Variants in STX17 observed in about 807,000 individuals in gnomAD.
STX17 encodes the protein syntaxin 17.
STX17 carries 29 observed loss-of-function variants against 35.9 expected under a neutral mutation model. The ratio of observed to expected loss-of-function variants is 0.81; its 90% CI spans 0.60 to 1.10. The LOEUF is 1.10. Ranked by LOEUF, STX17 falls within the 50% of genes least tolerant of loss-of-function variation. STX17 has a pLI of 0.00. For synonymous variants in STX17, 92 were observed against 118.3 expected (o/e 0.78, Z 1.44); for missense variants, 312 against 352.3 (o/e 0.89, Z 0.92).
intron 3 of STX17, among the ~76,000 whole-genome samples, chr9:99,934,304 AT>A (rs1255683842): frequency 6.6e-6 from 1 of 152,222 alleles, no homozygotes; most frequent in African/African-American, 2.4e-5. Flanking sequence ...ATCTGGAAAC[AT>A]TTTGAATAAT....
intron 6 of STX17, among the ~76,000 whole-genome samples, chr9:99,964,313 TTCG>T (rs1387731481): frequency 6.6e-6 from 1 of 152,146 alleles, no homozygotes; most frequent in Non-Finnish European, 1.5e-5. Context: ...CCTATAGCTG[TTCG>T]TCAAGATTTG....
chr9:99,938,755 C>G (rs1829288663), intron 3 of STX17, among the ~76,000 whole-genome samples: 1 of 149,474 alleles, frequency 6.7e-6, no homozygotes, highest in Non-Finnish European at 1.5e-5. Flanking sequence ...CCACTGCACT[C>G]CAGCCTGGGT....
chr9:99,945,664 C>T, intron 3 of STX17: 1 of 298,108 alleles, frequency 3.4e-6, no homozygotes, highest in South Asian at 2.8e-5. Flanking sequence ...TCCATATTTA[C>T]TTTCTTTTGT....
In STX17 at chr9:99,971,677, T is replaced by C. The variant is rs1336319272; in HGVS notation, c.*3004T>C. ...AAGCCAGGAATGTTAACTAGGTCTG[T>C]TGAGCTACAAAAACTTTTATGTCTC... On this transcript the variant is annotated 3_prime_UTR_variant, in exon 8 of 8. Transcript: ENST00000259400. 6.6e-6 allele frequency among the ~76,000 whole-genome samples: 1 copy of C among 152,224 alleles called. No individual in the cohort carries two copies. The highest frequency in any genetic ancestry group is 6.5e-5 in the Admixed American group (1 of 15,284).
At chr9:99,935,396 G>C (rs958163209) in intron 3 of STX17, among the ~76,000 whole-genome samples, 1 of 151,054 alleles carries the variant, frequency 6.6e-6, no homozygotes, top group Admixed American at 6.6e-5. Flanking sequence ...ACACTGCAAA[G>C]CTTGTTAAGT....
rs1217210405 is a variant in STX17 at position 99,960,022 on chromosome 9, C to A, written c.521C>A (p.Thr174Asn). 1 of 1,614,028 alleles carries A rather than the reference C, an allele frequency of 6.2e-7. No individual in the cohort carries two copies. The change falls in exon 5 of 8, where the codon ACC becomes AAC. Residue 174 changes from threonine to asparagine, a missense_variant. Coordinates refer to ENST00000259400, the MANE Select transcript of STX17 (RefSeq NM_017919.3). ...CAAAATGCTGCAGAATCGTGGGAAA[C>A]CTTAGAAGCGGTATGTTAAAAAATG... ...QDQNAAESWE[T>N]LEADLIELSQ...
At chr9:99,949,207 G>C (rs1184653423) in intron 3 of STX17, among the ~76,000 whole-genome samples, 1 of 151,928 alleles carries the variant, frequency 6.6e-6, no homozygotes, top group Non-Finnish European at 1.5e-5. Flanking sequence ...CACATATTTT[G>C]AATCTACAGT....
At chr9:99,964,512 A>G (rs1829880018) in intron 6 of STX17, among the ~76,000 whole-genome samples, 1 of 152,172 alleles carries the variant, frequency 6.6e-6, no homozygotes, top group African/African-American at 2.4e-5. Context: ...TTGTTAAAGG[A>G]ATGCTGAGAA....
At chr9:99,963,158 A>T (rs1829859078) in intron 6 of STX17, among the ~76,000 whole-genome samples, 2 of 152,216 alleles carry the variant, frequency 1.3e-5, no homozygotes, top group Admixed American at 1.3e-4. Flanking sequence ...TACCACTATA[A>T]AAAGAACTTA....
chr9:99,960,806 G>A (rs1436591224), intron 6 of STX17, among the ~76,000 whole-genome samples: 1 of 152,196 alleles, frequency 6.6e-6, no homozygotes. Flanking sequence ...TTTCAAGCAT[G>A]ATGGCTAAAT....
rs1019321088 is a variant in STX17, at chr9:99,971,992, A to T, written c.*3319A>T. Among the ~76,000 whole-genome samples, 1 of 152,226 alleles carries T rather than the reference A, an allele frequency of 6.6e-6. No homozygotes were observed. The highest frequency in any genetic ancestry group is 1.5e-5 in the Non-Finnish European group (1 of 68,036). On this transcript the variant is annotated 3_prime_UTR_variant, in exon 8 of 8. Transcript: ENST00000259400. ...CAGAACAAGACCCTCTCTCAAAAAA[A>T]TATTTAAAAAAAGGTGGGTCATCCA... is the stretch of plus-strand genomic sequence containing the variant.
intron 3 of STX17, among the ~76,000 whole-genome samples, chr9:99,944,404 AC>A (rs1182734376): frequency 6.6e-6 from 1 of 151,462 alleles, no homozygotes; most frequent in African/African-American, 2.4e-5. Flanking sequence ...CTAATTTTCA[AC>A]CTTTTTTCTT....
intron 3 of STX17, among the ~76,000 whole-genome samples, chr9:99,932,973 A>T (rs906238829): frequency 2.1e-4 from 32 of 152,138 alleles, no homozygotes; most frequent in Admixed American, 7.9e-4. Context: ...TTAAATTATC[A>T]ATCTTTTATG....
intron 3 of STX17, among the ~76,000 whole-genome samples, chr9:99,944,484 T>C (rs1829435384): frequency 6.6e-6 from 1 of 151,652 alleles, no homozygotes. Context: ...GGTTTAAATA[T>C]GCATTATTTT....
rs1295793941 is a variant in STX17, at chr9:99,971,544, T to G, written c.*2871T>G. On this transcript the variant is annotated 3_prime_UTR_variant, in exon 8 of 8. Transcript: ENST00000259400. The stretch of plus-strand genomic sequence containing the variant: ...ACACCCTCACAGAGGAACTGGTATT[T>G]CTTGAATACCTTCTGTTTGCCAGGC... Among the ~76,000 whole-genome samples the G allele has an allele frequency of 1.3e-5, 2 of 152,200 alleles. No individual in the cohort carries two copies. The highest frequency in any genetic ancestry group is 2.9e-5 in the Non-Finnish European group (2 of 68,042).
intron 2 of STX17, among the ~76,000 whole-genome samples, chr9:99,926,714 G>T (rs1587917748): frequency 6.6e-6 from 1 of 152,116 alleles, no homozygotes; most frequent in African/African-American, 2.4e-5. Flanking sequence ...TAGCCAGGAT[G>T]GTCTTGATAT....
At chr9:99,943,987 T>C (rs1001484747) in intron 3 of STX17, among the ~76,000 whole-genome samples, 2 of 152,094 alleles carry the variant, frequency 1.3e-5, no homozygotes, top group African/African-American at 2.4e-5. Flanking sequence ...CTTCAAAATA[T>C]ACATTTAATT....
intron 1 of STX17, chr9:99,914,229 T>A (rs183601976): frequency 6.6e-6 from 1 of 152,340 alleles, no homozygotes; most frequent in East Asian, 1.9e-4. Context: ...AACTTAAAAT[T>A]TTTTAAACAT....
chr9:99,938,208 G>T (rs183649838), intron 3 of STX17: 96 of 152,312 alleles, frequency 6.3e-4, no homozygotes, highest in African/African-American at 2.2e-3. Flanking sequence ...AAATACCGAT[G>T]TATCACTGAT....
Sources: allele counts gnomAD v4.1 joint callset (sites outside exome capture counted in the v4.1 genomes callset), GRCh38; gene constraint gnomAD v4.1.1; transcripts MANE v1.5; gene names NCBI Gene and HGNC (gene_info 2026-07-23, HGNC 2026-07-21).